Variants in ZFYVE28 observed in about 807,000 individuals in gnomAD.
ZFYVE28 encodes zinc finger FYVE-type containing 28, also known as lateral signaling target protein 2 homolog.
In ZFYVE28, 40 loss-of-function variants were observed where a neutral mutation model predicts 82.1. That is an observed-to-expected ratio of 0.49 (90% CI 0.38 to 0.63). The LOEUF (loss-of-function observed/expected upper bound fraction) is 0.63, where lower values mean the gene tolerates loss of function less well. Ranked by LOEUF, ZFYVE28 falls within the 30% of genes least tolerant of loss-of-function variation. The pLI is 0.00. For synonymous variants in ZFYVE28, 612 were observed against 546.1 expected (o/e 1.12, Z -1.68); for missense variants, 1,321 against 1,242.1 (o/e 1.06, Z -0.96).
chr4:2,413,547 G>A (rs1320196764), intron 1 of ZFYVE28, among the ~76,000 whole-genome samples: 3 of 152,034 alleles, frequency 2.0e-5, no homozygotes, highest in Non-Finnish European at 4.4e-5. Context: ...CGCCAGGAGA[G>A]GGAGCACCGC....
At chr4:2,373,677 G>A (rs1280473866) in intron 1 of ZFYVE28, among the ~76,000 whole-genome samples, 3 of 152,120 alleles carry the variant, frequency 2.0e-5, no homozygotes, top group African/African-American at 7.2e-5. Flanking sequence ...CCCATGCAGT[G>A]GCAAACATGC....
intron 2 of ZFYVE28, among the ~76,000 whole-genome samples, chr4:2,344,753 G>C (rs761172230): frequency 6.6e-6 from 1 of 152,032 alleles, no homozygotes; most frequent in Admixed American, 6.6e-5. Context: ...ACAATTAGCC[G>C]GGTGTGGTGG....
intron 1 of ZFYVE28, among the ~76,000 whole-genome samples, chr4:2,401,507 C>A (rs1475844656): frequency 6.6e-6 from 1 of 152,242 alleles, no homozygotes; most frequent in Non-Finnish European, 1.5e-5. Context: ...AGGGTGCTTT[C>A]ACTCTGACAC....
intron 1 of ZFYVE28, among the ~76,000 whole-genome samples, chr4:2,399,040 T>TCCAGGGCACAAGCGTGGAGGTGAGAG (rs1560338684): frequency 5.4e-5 from 6 of 111,936 alleles, no homozygotes; most frequent in South Asian, 3.0e-4. Context: ...TGGGGTGAGA[T>TCCAGGGCACAAGCGTGGAGGTGAGAG]CCAGGGCACA....
At chr4:2,370,172 A>C (rs1339249881) in intron 1 of ZFYVE28, among the ~76,000 whole-genome samples, 1 of 151,884 alleles carries the variant, frequency 6.6e-6, no homozygotes, top group African/African-American at 2.4e-5. Flanking sequence ...TAAGCACCCC[A>C]CTGTGTGCGA....
At chr4:2,349,359 G>C (rs1293991884) in intron 2 of ZFYVE28, among the ~76,000 whole-genome samples, 1 of 119,974 alleles carries the variant, frequency 8.3e-6, no homozygotes, top group East Asian at 2.8e-4. Flanking sequence ...ACACTCTGGG[G>C]ACTGTTGTGG....
At chr4:2,352,981 G>T (rs1332009494) in intron 2 of ZFYVE28, among the ~76,000 whole-genome samples, 2 of 152,220 alleles carry the variant, frequency 1.3e-5, no homozygotes, top group East Asian at 1.9e-4. Flanking sequence ...TGGGCAGAAG[G>T]TCTTTCTAAC....
At chr4:2,272,920 G>A (rs776226520) in intron 10 of ZFYVE28, among the ~76,000 whole-genome samples, 24 of 152,254 alleles carry the variant, frequency 1.6e-4, no homozygotes, top group Non-Finnish European at 3.1e-4. Flanking sequence ...TTGCAGGGGT[G>A]GAGTGACTTC....
intron 1 of ZFYVE28, among the ~76,000 whole-genome samples, chr4:2,387,241 A>G (rs1578344248): frequency 6.6e-6 from 1 of 152,304 alleles, no homozygotes; most frequent in East Asian, 1.9e-4. Flanking sequence ...AGTCCAGCCT[A>G]GGGCTGCGTG....
intron 8 of ZFYVE28, among the ~76,000 whole-genome samples, chr4:2,282,032 A>T (rs1000615063): frequency 1.3e-5 from 2 of 152,236 alleles, no homozygotes; most frequent in East Asian, 3.8e-4. Context: ...TAGAAGAGTG[A>T]AGGGCACCTG....
chr4:2,290,999 A>C (rs1040873458), intron 8 of ZFYVE28, among the ~76,000 whole-genome samples: 4 of 152,252 alleles, frequency 2.6e-5, no homozygotes, highest in Non-Finnish European at 5.9e-5. Context: ...GCACCCTAAA[A>C]AAATGAGGAA....
rs60260822 is a variant in ZFYVE28, at chr4:2,309,850, CTTT to C, written c.804-4317_804-4315del. ...CCTATTCCTAGTTTGCTAAGAGATG[CTTT>C]TCTTGTTCTGTTTTGTTTATTGCTA... On this transcript the variant is annotated intron_variant, in intron 7 of 12. Transcript: ENST00000290974. Among the ~76,000 whole-genome samples the C allele has an allele frequency of 2.6e-3, 399 of 152,176 alleles. 19 individuals are homozygous for C. In the East Asian group the frequency reaches 0.063, roughly 24 times the overall value.
intron 2 of ZFYVE28, among the ~76,000 whole-genome samples, chr4:2,352,160 A>G (rs1456006985): frequency 6.6e-6 from 1 of 152,094 alleles, no homozygotes; most frequent in Non-Finnish European, 1.5e-5. Context: ...AGTTCAAACC[A>G]TGTTGTTCAA....
chr4:2,279,260 C>T (rs536008335), intron 8 of ZFYVE28, among the ~76,000 whole-genome samples: 5 of 151,998 alleles, frequency 3.3e-5, no homozygotes, highest in South Asian at 2.1e-4. Context: ...GGTGAAACCC[C>T]GTCTCTACTG....
intron 2 of ZFYVE28, among the ~76,000 whole-genome samples, chr4:2,351,931 T>C (rs552415429): frequency 6.6e-6 from 1 of 152,290 alleles, no homozygotes; most frequent in Non-Finnish European, 1.5e-5. Context: ...ATACCACTTA[T>C]AATGTCATAA....
intron 6 of ZFYVE28, chr4:2,325,217 C>G (rs1259209572): frequency 6.6e-6 from 1 of 152,076 alleles, no homozygotes; most frequent in Non-Finnish European, 1.5e-5. Flanking sequence ...TATCAAATAG[C>G]ATAGAATCTA....
chr4:2,342,488 G>A (rs537504437), intron 2 of ZFYVE28: 18 of 152,274 alleles, frequency 1.2e-4, no homozygotes, highest in African/African-American at 3.9e-4. Flanking sequence ...CAAACTCCAG[G>A]GCTCCAGCCA....
rs1577834303 is a variant in ZFYVE28 at position 2,270,393 on chromosome 4, G to A, written c.*332C>T. 2.0e-5 allele frequency: 7 copies of A among 346,590 alleles called. No individual in the cohort carries two copies. The highest frequency in any genetic ancestry group is 3.8e-5 in the Non-Finnish European group (7 of 183,162). 21.5% of individuals were successfully genotyped at this position (346,590 alleles called of 1,614,324 possible). A position where few individuals can be genotyped will look rare whatever the true frequency, so the allele number is the denominator to read the frequency against. On this transcript the variant is annotated 3_prime_UTR_variant, in exon 13 of 13. Transcript: ENST00000290974. ...CCACTCTTGTCCACCTCCATCACCC[G>A]CCCCGATTCCCATAGCCCCAGCAGA... is the stretch of plus-strand genomic sequence containing the variant.
In ZFYVE28 at chr4:2,372,688, G is replaced by A. The variant is rs527846117; in HGVS notation, c.40-18615C>T. On this transcript the variant is annotated intron_variant, in intron 1 of 12. Coordinates refer to ENST00000290974, the MANE Select transcript of ZFYVE28 (RefSeq NM_020972.3). This position sits in a 1 kb window ranked among gnomAD's most constrained non-coding sequence, Gnocchi z 5.2. ...GTGGGCACTGGCTGTCACTCCCTCC[G>A]CAGAGGCAGGGGCAGGCACTCCAGG... Among the ~76,000 whole-genome samples the A allele has an allele frequency of 3.6e-4, 55 of 152,232 alleles. No homozygotes were observed. The highest frequency in any genetic ancestry group is 1.2e-3 in the African/African-American group (50 of 41,532).
Sources: gnomAD v4.1 joint callset for allele counts (sites outside exome capture counted in the v4.1 genomes callset) on GRCh38, gnomAD v4.1.1 for gene constraint, Gnocchi (gnomAD v3.1) non-coding constraint, MANE v1.5 for transcripts, NCBI Gene and HGNC (gene_info 2026-07-23, HGNC 2026-07-21) for gene names.